The following DLC1 variants were observed in gnomAD, a reference collection of about 807,000 sequenced individuals.
The protein encoded by DLC1 is DLC1 Rho GTPase activating protein, also known as rho GTPase-activating protein 7.
A neutral mutation model predicts 140.3 loss-of-function variants in DLC1; 54 were observed. The ratio of observed to expected loss-of-function variants is 0.38; its 90% CI spans 0.31 to 0.48. The LOEUF is 0.48. DLC1 is among the 20% of genes least tolerant of loss of function. The pLI is 0.96. For synonymous variants in DLC1, 986 were observed against 728.1 expected (o/e 1.35, Z -5.70); for missense variants, 2,536 against 1,907.0 (o/e 1.33, Z -6.14).
intron 5 of DLC1, among the ~76,000 whole-genome samples, chr8:13,177,268 A>G (rs149253216): frequency 2.7e-3 from 416 of 152,266 alleles, no homozygotes; most frequent in African/African-American, 9.5e-3. Flanking sequence ...TTCATAATGT[A>G]TTTTATATCT....
At position 13,570,516 on chromosome 8, in the gene DLC1, A is replaced by G. The variant is rs374450232; in HGVS notation, c.-126+34021T>C. Among the ~76,000 whole-genome samples the G allele has an allele frequency of 6.7e-3, 897 of 134,138 alleles. 10 individuals carry two copies. Among genetic ancestry groups the G allele is most frequent in the African/African-American group, 0.024 (843 of 35,040 alleles). 88.0% of individuals were successfully genotyped at this position (134,138 alleles called of 152,430 possible). On this transcript the variant is annotated intron_variant, in intron 1 of 1. Transcript: ENST00000631382. ...TGTGTCCGTGTGATCTCATTGTTCA[A>G]TTCCCACCTATGAGTGAGAATATGC...
At chr8:13,550,991 T>C (rs892236766) in intron 1 of DLC1, among the ~76,000 whole-genome samples, 2 of 151,860 alleles carry the variant, frequency 1.3e-5, no homozygotes, top group East Asian at 3.9e-4. Context: ...ACTCTACCAA[T>C]GTGTATTTTA....
At chr8:13,197,845 C>T (rs1827158910) in intron 5 of DLC1, among the ~76,000 whole-genome samples, 1 of 152,094 alleles carries the variant, frequency 6.6e-6, no homozygotes, top group African/African-American at 2.4e-5. Context: ...CCAAAATACA[C>T]CCTATTGGAG....
chr8:13,315,780 C>A (rs1318346286), intron 4 of DLC1, among the ~76,000 whole-genome samples: 1 of 152,200 alleles, frequency 6.6e-6, no homozygotes, highest in East Asian at 1.9e-4. Flanking sequence ...GTCATATGCT[C>A]AGGTTTGCCT....
At chr8:13,329,846 G>A (rs1349856711) in intron 4 of DLC1, among the ~76,000 whole-genome samples, 1 of 151,948 alleles carries the variant, frequency 6.6e-6, no homozygotes. Context: ...CATGTAGTAA[G>A]TAATGGTTAT....
intron 5 of DLC1, among the ~76,000 whole-genome samples, chr8:13,122,679 C>T (rs1456428542): frequency 2.6e-5 from 4 of 151,532 alleles, no homozygotes; most frequent in African/African-American, 7.3e-5. Context: ...CAGCAGACTT[C>T]ATATATTAAT....
chr8:13,214,039 C>G (rs940276180), intron 5 of DLC1, among the ~76,000 whole-genome samples: 2 of 152,170 alleles, frequency 1.3e-5, no homozygotes, highest in Admixed American at 6.5e-5. Flanking sequence ...CCACTTCAGC[C>G]TCCCAAAGTG....
chr8:13,320,999 A>G (rs892914521), intron 4 of DLC1, among the ~76,000 whole-genome samples: 2 of 152,192 alleles, frequency 1.3e-5, no homozygotes, highest in South Asian at 4.1e-4. Context: ...TACCAGATGC[A>G]GATGCCAGCA....
chr8:13,468,052 T>A (rs926259989), intron 2 of DLC1, among the ~76,000 whole-genome samples: 1 of 152,182 alleles, frequency 6.6e-6, no homozygotes, highest in African/African-American at 2.4e-5. Context: ...ATCGAAAGAA[T>A]CTGTTTCTTC....
At chr8:13,283,293 AACACAC>A (rs58438325) in intron 5 of DLC1, among the ~76,000 whole-genome samples, 19 of 145,114 alleles carry the variant, frequency 1.3e-4, no homozygotes, top group African/African-American at 3.8e-4. Flanking sequence ...ATCCTACTGA[AACACAC>A]ACACACACAC....
intron 2 of DLC1, among the ~76,000 whole-genome samples, chr8:13,489,583 G>A (rs1801143266): frequency 2.0e-5 from 3 of 149,660 alleles, no homozygotes; most frequent in African/African-American, 2.5e-5. Flanking sequence ...TTATACAAAT[G>A]AAAAAAAAAA....
chr8:13,093,654 T>C (rs183423485), intron 12 of DLC1, among the ~76,000 whole-genome samples: 35 of 152,300 alleles, frequency 2.3e-4, no homozygotes, highest in African/African-American at 7.7e-4. Context: ...AACAGCTCCA[T>C]GGTTACAGCA....
At chr8:13,205,028 C>T (rs1827584913) in intron 5 of DLC1, among the ~76,000 whole-genome samples, 1 of 151,996 alleles carries the variant, frequency 6.6e-6, no homozygotes, top group Non-Finnish European at 1.5e-5. Flanking sequence ...TGCAACATGG[C>T]ATTTTGCAAT....
intron 1 of DLC1, among the ~76,000 whole-genome samples, chr8:13,523,820 A>G (rs1209032225): frequency 6.6e-6 from 1 of 152,122 alleles, no homozygotes; most frequent in Non-Finnish European, 1.5e-5. Context: ...ATTAGGATGG[A>G]AGAATAACAG....
chr8:13,214,816 A>T (rs919837763), intron 5 of DLC1: 1 of 775,358 alleles, frequency 1.3e-6, no homozygotes, highest in Non-Finnish European at 2.4e-6. Flanking sequence ...GGAGAAAATG[A>T]TTGATTTGAG....
intron 2 of DLC1, among the ~76,000 whole-genome samples, chr8:13,442,439 T>A (rs1381951804): frequency 1.3e-5 from 2 of 152,028 alleles, no homozygotes; most frequent in Non-Finnish European, 2.9e-5. Flanking sequence ...GGGAGAAAAT[T>A]TTTGCAATCT....
intron 5 of DLC1, among the ~76,000 whole-genome samples, chr8:13,281,964 A>G (rs1831379097): frequency 6.6e-6 from 1 of 152,120 alleles, no homozygotes; most frequent in African/African-American, 2.4e-5. Context: ...TTGGGACAGC[A>G]TTTTGTTTTC....
At chr8:13,385,516 C>T (rs1486299263) in intron 4 of DLC1, among the ~76,000 whole-genome samples, 2 of 152,036 alleles carry the variant, frequency 1.3e-5, no homozygotes, top group African/African-American at 2.4e-5. Flanking sequence ...CATTAAATAA[C>T]CAAAACAGTC....
At chr8:13,375,554 G>A (rs938304898) in intron 4 of DLC1, among the ~76,000 whole-genome samples, 3 of 152,094 alleles carry the variant, frequency 2.0e-5, no homozygotes, top group African/African-American at 7.2e-5. Context: ...TGTTGAATAG[G>A]AGTGGTGAGA....
Sources: gnomAD v4.1 joint callset for allele counts (sites outside exome capture counted in the v4.1 genomes callset) on GRCh38, gnomAD v4.1.1 for gene constraint, MANE v1.5 for transcripts, NCBI Gene and HGNC (gene_info 2026-07-23, HGNC 2026-07-21) for gene names.